The following SLC9C2 variants were observed in gnomAD, a reference collection of about 807,000 sequenced individuals.
SLC9C2 encodes sodium/hydrogen exchanger 11.
Under a neutral mutation model 140.2 loss-of-function variants are expected in SLC9C2, and 75 were observed. The observed-to-expected ratio is 0.53, with a 90% CI of 0.44 to 0.65. The LOEUF is 0.65. Ranked by LOEUF, SLC9C2 falls within the 30% of genes least tolerant of loss-of-function variation. SLC9C2 has a pLI of 0.00. For missense variants in SLC9C2, 1,074 were observed against 1,331.8 expected (o/e 0.81, Z 3.01); for synonymous variants, 375 against 420.9 (o/e 0.89, Z 1.34).
At chr1:173,555,387 C>G (rs928466203) in intron 10 of SLC9C2, 1 of 152,314 alleles carries the variant, frequency 6.6e-6, no homozygotes, top group African/African-American at 2.4e-5. Context: ...ATTTAACCAC[C>G]ACTCAGAGCC....
At chr1:173,550,078 C>T (rs1014892514) in intron 11 of SLC9C2, among the ~76,000 whole-genome samples, 7 of 152,154 alleles carry the variant, frequency 4.6e-5, no homozygotes, top group Non-Finnish European at 8.8e-5. Flanking sequence ...GAGCTTTTGC[C>T]AATCCAAGCA....
intron 15 of SLC9C2, 72 bp downstream of exon 15, chr1:173,535,753 TTGAGA>T: frequency 1.4e-6 from 2 of 1,390,302 alleles, no homozygotes; most frequent in Non-Finnish European, 9.5e-7. Flanking sequence ...ATAAGGAAAA[TTGAGA>T]TAAGCTATTA....
chr1:173,602,228 T>G (rs1666829694), intron 1 of SLC9C2, among the ~76,000 whole-genome samples: 1 of 152,132 alleles, frequency 6.6e-6, no homozygotes, highest in Admixed American at 6.6e-5. Context: ...TCCAAAAATA[T>G]TTGATGGGCT....
rs745670635 is a variant in SLC9C2, at chr1:173,533,751, A to G, written c.2021T>C (p.Leu674Ser). Reference sequence around the variant, plus strand: ...TCCAATAACCAGGATAAAAAATTCCAAAGTATTCCAACATTGTTGAAAATA... The same window carrying G: ...TCCAATAACCAGGATAAAAAATTCCGAAGTATTCCAACATTGTTGAAAATA... ...RKYFQQCWNTLEFFILVIGII... is the reference protein window; with the variant it reads ...RKYFQQCWNTSEFFILVIGII... Residue 674 changes from leucine to serine, a missense_variant, in exon 17 of 28, where the codon TTG becomes TCG. By Grantham distance (145) the Leu-to-Ser change is moderately radical. Transcript: ENST00000367714. 2 of 1,604,634 alleles carry G rather than the reference A, an allele frequency of 1.2e-6. No homozygotes were observed. Among genetic ancestry groups the G allele is most frequent in the South Asian group, 1.1e-5 (1 of 90,122 alleles).
At position 173,505,340 on chromosome 1, in the gene SLC9C2, G is replaced by C. The variant is rs754545316; in HGVS notation, c.3226-9C>G. 2.1e-5 allele frequency: 34 copies of C among 1,610,940 alleles called. No homozygotes were observed. The highest frequency in any genetic ancestry group is 2.7e-5 in the Non-Finnish European group (32 of 1,177,424). The stretch of plus-strand genomic sequence containing the variant: ...TCAGAAGTTCCCTGAACCTAGAGGA[G>C]AAAAGTCAAAATTAGTCAAAAGAGC... On this transcript the variant is annotated splice_polypyrimidine_tract_variant and intron_variant, in intron 25 of 27. Transcript: ENST00000367714.
At chr1:173,509,230 G>T (rs548294677) in intron 24 of SLC9C2, among the ~76,000 whole-genome samples, 3 of 152,038 alleles carry the variant, frequency 2.0e-5, no homozygotes, top group Non-Finnish European at 2.9e-5. Flanking sequence ...GATCACTTGA[G>T]GTCAGGAGTT....
At chr1:173,601,089 T>C (rs1666748108) in intron 2 of SLC9C2, among the ~76,000 whole-genome samples, 1 of 152,232 alleles carries the variant, frequency 6.6e-6, no homozygotes, top group Non-Finnish European at 1.5e-5. Flanking sequence ...AAGCCTTTCC[T>C]AATTTCCTTC....
rs1409554239 is a variant in SLC9C2 at position 173,506,966 on chromosome 1, T to C, written c.3115A>G (p.Ile1039Val). Residue 1039 changes from isoleucine to valine, a missense_variant, in exon 25 of 28, where the codon ATT (isoleucine) becomes GTT (valine). By Grantham distance (29) the Ile-to-Val change is conservative. Transcript: ENST00000367714. ...ACAAATTTCATGGTCATATTATCAA[T>C]AATCATGTCACTATAGCTTGATAAA... ...ETLSSYSDMI[I>V]DNMTMKFVII... The C allele has an allele frequency of 6.2e-7, 1 of 1,613,464 alleles. No homozygotes were observed. Among genetic ancestry groups the C allele is most frequent in the Middle Eastern group, 1.7e-4 (1 of 6,054 alleles).
intron 17 of SLC9C2, among the ~76,000 whole-genome samples, chr1:173,531,344 T>C (rs1011760893): frequency 1.3e-5 from 2 of 152,278 alleles, no homozygotes; most frequent in Admixed American, 6.5e-5. Context: ...AGTCCCTAAT[T>C]AGGCAAAAGG....
intron 13 of SLC9C2, among the ~76,000 whole-genome samples, chr1:173,545,616 G>A (rs558932012): frequency 1.3e-5 from 2 of 152,272 alleles, no homozygotes; most frequent in East Asian, 3.9e-4. Flanking sequence ...GGCAACCAAG[G>A]AGCCTCTCGC....
chr1:173,523,435 TG>T (rs1455040804), intron 21 of SLC9C2, among the ~76,000 whole-genome samples: 1 of 152,224 alleles, frequency 6.6e-6, no homozygotes, highest in Non-Finnish European at 1.5e-5. Context: ...TCATCTGTTT[TG>T]TTTACTGCCA....
intron 13 of SLC9C2, among the ~76,000 whole-genome samples, chr1:173,538,970 G>T (rs1269336917): frequency 1.3e-5 from 2 of 152,190 alleles, no homozygotes; most frequent in Admixed American, 1.3e-4. Context: ...CAGGGCAGGG[G>T]AAAGGGTAAG....
intron 9 of SLC9C2, chr1:173,571,728 C>G (rs1664853453): frequency 6.6e-6 from 1 of 152,074 alleles, no homozygotes. Context: ...GTCCTAAGTG[C>G]CTGGAACAAT....
chr1:173,579,473 C>T (rs1665387809), intron 7 of SLC9C2, among the ~76,000 whole-genome samples: 1 of 152,174 alleles, frequency 6.6e-6, no homozygotes, highest in Non-Finnish European at 1.5e-5. Context: ...CCCCATTTTA[C>T]AGGTGAAGGA....
At chr1:173,507,262 A>G (rs1659710087) in intron 24 of SLC9C2, among the ~76,000 whole-genome samples, 1 of 152,218 alleles carries the variant, frequency 6.6e-6, no homozygotes, top group South Asian at 2.1e-4. Flanking sequence ...ACTGTTGCCC[A>G]GCCCTAAATT....
chr1:173,551,077 G>A (rs1360950477), intron 11 of SLC9C2, among the ~76,000 whole-genome samples: 1 of 140,122 alleles, frequency 7.1e-6, no homozygotes, highest in South Asian at 2.3e-4. Flanking sequence ...GTGTTTATGA[G>A]GCACAGTTCT....
At chr1:173,537,159 CA>C in intron 13 of SLC9C2, 120 bp from the exon 14 acceptor site, 1 of 708,408 alleles carries the variant, frequency 1.4e-6, no homozygotes, top group Non-Finnish European at 2.4e-6. Context: ...TATGCCATTA[CA>C]AAAAATTATG....
At chr1:173,509,029 C>CA (rs1295300529) in intron 24 of SLC9C2, among the ~76,000 whole-genome samples, 1 of 146,812 alleles carries the variant, frequency 6.8e-6, no homozygotes, top group Non-Finnish European at 1.5e-5. Flanking sequence ...AATCTACCTT[C>CA]TTTTTTTTTT....
At chr1:173,548,310 T>A in intron 12 of SLC9C2, 79 bp downstream of exon 12, 1 of 1,351,806 alleles carries the variant, frequency 7.4e-7, no homozygotes, top group Non-Finnish European at 1.0e-6. Context: ...CAGAATCAGG[T>A]CTTTAACAAT....
Sources: allele counts gnomAD v4.1 joint callset (sites outside exome capture counted in the v4.1 genomes callset), GRCh38; gene constraint gnomAD v4.1.1; transcripts MANE v1.5; gene names NCBI Gene and HGNC (gene_info 2026-07-23, HGNC 2026-07-21).